TTLL11: variants seen among roughly 807,000 people sequenced by gnomAD.
TTLL11 encodes tubulin tyrosine ligase like 11, also known as tubulin polyglutamylase TTLL11.
Under a neutral mutation model 51.7 loss-of-function variants are expected in TTLL11, and 42 were observed. The ratio of observed to expected loss-of-function variants is 0.81; its 90% CI spans 0.64 to 1.05. The LOEUF (loss-of-function observed/expected upper bound fraction) is 1.05, where lower values mean the gene tolerates loss of function less well. Among genes scored for constraint, TTLL11 ranks in the 50% least tolerant of loss-of-function variants. The pLI is 0.00. For synonymous variants in TTLL11, 381 were observed against 383.5 expected (o/e 0.99, Z 0.08); for missense variants, 799 against 940.4 (o/e 0.85, Z 1.97).
At chr9:121,885,363 T>C (rs777062792) in intron 6 of TTLL11, 6 of 152,374 alleles carry the variant, frequency 3.9e-5, no homozygotes, top group Non-Finnish European at 7.3e-5. Context: ...GTTTTCCATT[T>C]GGAGGCTCTG....
At chr9:121,885,599 T>C (rs1232972380) in intron 6 of TTLL11, 4 of 152,216 alleles carry the variant, frequency 2.6e-5, no homozygotes, top group African/African-American at 4.8e-5. Context: ...AAAAATGGCA[T>C]AATTTGCCCA....
intron 6 of TTLL11, among the ~76,000 whole-genome samples, chr9:121,934,634 C>T (rs1198019655): frequency 2.6e-5 from 4 of 152,186 alleles, no homozygotes; most frequent in Admixed American, 2.6e-4. Context: ...AGTTTGTCTG[C>T]CAATTGTTCT....
chr9:121,862,461 T>TCCCC (rs964319322), intron 7 of TTLL11, among the ~76,000 whole-genome samples: 2 of 152,108 alleles, frequency 1.3e-5, no homozygotes, highest in African/African-American at 4.8e-5. Context: ...CCCAACTCTC[T>TCCCC]CCCCCTTTTC....
chr9:122,034,356 C>T (rs1336289561), intron 2 of TTLL11, among the ~76,000 whole-genome samples: 9 of 152,230 alleles, frequency 5.9e-5, no homozygotes, highest in Middle Eastern at 3.4e-3. Flanking sequence ...ACCATCAGGC[C>T]CCACACCAGC....
chr9:121,920,554 C>A (rs529023545), intron 6 of TTLL11, among the ~76,000 whole-genome samples: 1 of 152,194 alleles, frequency 6.6e-6, no homozygotes, highest in African/African-American at 2.4e-5. Context: ...AGTCTATTTT[C>A]TTTGACAGAT....
At chr9:121,877,425 G>A (rs193116835) in intron 6 of TTLL11, among the ~76,000 whole-genome samples, 56 of 152,236 alleles carry the variant, frequency 3.7e-4, no homozygotes, top group African/African-American at 1.3e-3. Flanking sequence ...AAACAGGTGA[G>A]GCGTGGGCTT....
In TTLL11 at chr9:121,989,365, T is replaced by C. The variant is rs768622354; in HGVS notation, c.1099A>G (p.Thr367Ala). The C allele has an allele frequency of 6.8e-6, 11 of 1,614,090 alleles. No individual in the cohort carries two copies. The highest frequency in any genetic ancestry group is 9.3e-6 in the Non-Finnish European group (11 of 1,180,032). The stretch of plus-strand genomic sequence containing the variant: ...AGTCTACAAAGGATGCTGGAAAAAG[T>C]CCTTTTGCTGCCAGTGCTAGCACTG... Reference protein sequence around the residue: ...SDSASTGSKRTFSSILCRLSS... With the variant: ...SDSASTGSKRAFSSILCRLSS... Residue 367 changes from threonine (T) to alanine (A), a missense_variant, in exon 4 of 9, where the codon ACT becomes GCT. Coordinates refer to ENST00000321582, the MANE Select transcript of TTLL11 (RefSeq NM_001139442.2). The surrounding 1 kb of genome is among the most constrained non-coding windows in gnomAD (Gnocchi z 4.2).
intron 8 of TTLL11, among the ~76,000 whole-genome samples, chr9:121,857,128 G>A (rs182834527): frequency 6.6e-6 from 1 of 152,280 alleles, no homozygotes; most frequent in African/African-American, 2.4e-5. Context: ...AGACCCCCAG[G>A]CCCTGCTATT....
chr9:121,962,269 G>A (rs1842254538), intron 6 of TTLL11, among the ~76,000 whole-genome samples: 1 of 152,104 alleles, frequency 6.6e-6, no homozygotes, highest in Admixed American at 6.5e-5. Flanking sequence ...TCATAATGAG[G>A]AAAACATTTT....
intron 3 of TTLL11, among the ~76,000 whole-genome samples, chr9:122,015,269 T>C (rs994093790): frequency 4.6e-5 from 7 of 152,186 alleles, no homozygotes; most frequent in African/African-American, 1.7e-4. Context: ...GATGATATCG[T>C]TTTCCCAGTT....
intron 8 of TTLL11, among the ~76,000 whole-genome samples, chr9:121,838,734 A>G (rs1296949409): frequency 6.6e-6 from 1 of 151,828 alleles, no homozygotes; most frequent in South Asian, 2.1e-4. Context: ...AAAGAAAAGA[A>G]AGAAAGAAAG....
chr9:121,834,556 C>T (rs57496999), intron 8 of TTLL11, among the ~76,000 whole-genome samples: 3,152 of 151,664 alleles, frequency 0.021, 103 homozygotes, highest in African/African-American at 0.07. Flanking sequence ...AGGCCAGGCG[C>T]GGTGGCTCAC....
At chr9:121,862,286 T>C (rs1450035709) in intron 7 of TTLL11, among the ~76,000 whole-genome samples, 1 of 152,150 alleles carries the variant, frequency 6.6e-6, no homozygotes, top group East Asian at 1.9e-4. Context: ...TGGAATCTTT[T>C]CTAGCTGTGT....
In TTLL11 at chr9:121,835,133, C is replaced by T. The variant is rs374930762; in HGVS notation, c.1841-12254G>A. ...GTGAGGGGCTGGACGGAGTGATCTC[C>T]GAGGATTCCACAAGTATTGGAAGTG... On this transcript the variant is annotated intron_variant, in intron 8 of 8. Coordinates refer to ENST00000321582, the MANE Select transcript of TTLL11 (RefSeq NM_001139442.2). Among the ~76,000 whole-genome samples, 74 of 152,224 alleles carry T rather than the reference C, an allele frequency of 4.9e-4. No individual in the cohort carries two copies. In the South Asian group the frequency reaches 0.01, roughly 21 times the overall value.
chr9:121,936,478 G>A (rs1003204295), intron 6 of TTLL11, among the ~76,000 whole-genome samples: 6 of 152,058 alleles, frequency 3.9e-5, no homozygotes, highest in African/African-American at 1.4e-4. Context: ...GAAGAGACAA[G>A]ACTTCACTCC....
At chr9:121,899,378 C>CATATATATATAT (rs747040027) in intron 6 of TTLL11, among the ~76,000 whole-genome samples, 10 of 130,446 alleles carry the variant, frequency 7.7e-5, no homozygotes, top group East Asian at 2.2e-4. Flanking sequence ...TATATATATA[C>CATATATATATAT]ATATATATAT....
At chr9:122,006,184 T>C (rs565162482) in intron 3 of TTLL11, among the ~76,000 whole-genome samples, 1 of 152,002 alleles carries the variant, frequency 6.6e-6, no homozygotes, top group South Asian at 2.1e-4. Flanking sequence ...CTACTAAAAA[T>C]ACAAAAATTA....
chr9:122,006,034 G>C (rs1260556668), intron 3 of TTLL11, among the ~76,000 whole-genome samples: 1 of 152,184 alleles, frequency 6.6e-6, no homozygotes, highest in East Asian at 1.9e-4. Context: ...AATATTCCAA[G>C]AATATAAGAA....
chr9:121,960,311 A>G (rs1319288221), intron 6 of TTLL11, among the ~76,000 whole-genome samples: 1 of 152,178 alleles, frequency 6.6e-6, no homozygotes, highest in Non-Finnish European at 1.5e-5. Context: ...TACTCCAGTG[A>G]GTGAATAACC....
Sources: gnomAD v4.1 joint callset for allele counts (sites outside exome capture counted in the v4.1 genomes callset) on GRCh38, gnomAD v4.1.1 for gene constraint, Gnocchi (gnomAD v3.1) non-coding constraint, MANE v1.5 for transcripts, NCBI Gene and HGNC (gene_info 2026-07-23, HGNC 2026-07-21) for gene names.